The following KHNYN variants were observed in gnomAD, a reference collection of about 807,000 sequenced individuals.
KHNYN encodes protein KHNYN.
A neutral mutation model predicts 62.7 loss-of-function variants in KHNYN; 42 were observed. That is an observed-to-expected ratio of 0.67 (90% CI 0.52 to 0.87). The LOEUF (loss-of-function observed/expected upper bound fraction) is 0.87. Among genes scored for constraint, KHNYN ranks in the 40% least tolerant of loss-of-function variants. The pLI is 0.00. For synonymous variants in KHNYN, 347 were observed against 345.6 expected (o/e 1.00, Z -0.04); for missense variants, 829 against 874.1 (o/e 0.95, Z 0.65).
upstream of KHNYN, chr14:24,428,911 G>A (rs2043054662): frequency 6.4e-7 from 1 of 1,571,118 alleles, no homozygotes; most frequent in Non-Finnish European, 8.6e-7. Context: ...CAGGCTCACA[G>A]ACCACCAGGC....
At position 24,432,509 on chromosome 14, in the gene KHNYN, C is replaced by T. The variant is rs779785911; in HGVS notation, c.1248C>T (p.Phe416=). 8 of 1,613,810 alleles carry T rather than the reference C, an allele frequency of 5.0e-6. No homozygotes were observed. In the South Asian group the frequency reaches 8.8e-5, roughly 18 times the overall value. The change falls in exon 3 of 8, where the codon TTC becomes TTT. Residue 416 remains phenylalanine (F), a synonymous_variant. Coordinates refer to ENST00000553935, the MANE Select transcript of KHNYN (RefSeq NM_015299.3). This position sits in a 1 kb window ranked among gnomAD's most constrained non-coding sequence, Gnocchi z 5.6. ...ACTTGGTGACTGGCACACAGCGTTT[C>T]AAGGAGGCCCTGCAGGATCCTTTCA... The part of the protein sequence containing the change: ...GGNLVTGTQR[F]KEALQDPFTL...
chr14:24,425,860 A>C (rs1279892842), upstream of KHNYN, among the ~76,000 whole-genome samples: 1 of 152,208 alleles, frequency 6.6e-6, no homozygotes, highest in Non-Finnish European at 1.5e-5. Flanking sequence ...AAATATACTC[A>C]AATAGTTCCA....
chr14:24,431,792 G>A lies in KHNYN; in HGVS notation c.531G>A (p.Glu177=). The change falls in exon 3 of 8, where the codon GAG becomes GAA. Residue 177 remains glutamate (E), a synonymous_variant. Transcript: ENST00000553935. The part of the protein sequence containing the change: ...LLQSPGDAHR[E]ALLQLPLAVQ... Reference sequence around the variant, plus strand: ...AGTCCCCGGGGGATGCCCATAGAGAGGCTCTGTTGCAGTTGCCCCTGGCTG... The same window carrying A: ...AGTCCCCGGGGGATGCCCATAGAGAAGCTCTGTTGCAGTTGCCCCTGGCTG... The A allele has an allele frequency of 6.2e-7, 1 of 1,614,132 alleles. No homozygotes were observed.
rs745697959 is a variant in KHNYN, at chr14:24,440,276, T to C, written c.*2991T>C. 2 of 1,613,872 alleles carry C rather than the reference T, an allele frequency of 1.2e-6. No homozygotes were observed. Among genetic ancestry groups the C allele is most frequent in the Non-Finnish European group, 8.5e-7 (1 of 1,179,880 alleles). On this transcript the variant is annotated 3_prime_UTR_variant, in exon 8 of 8. Coordinates refer to ENST00000553935, the MANE Select transcript of KHNYN (RefSeq NM_015299.3). ...GCGGCCCAGGGCAGCACCCAAGGTC[T>C]GGGCAAACTCAGCATTAGTGGCGGA...
chr14:24,439,855 AG>A lies in KHNYN; in HGVS notation c.*2571del. On this transcript the variant is annotated 3_prime_UTR_variant, in exon 8 of 8. Coordinates refer to ENST00000553935, the MANE Select transcript of KHNYN (RefSeq NM_015299.3). ...AGTGGGGCAGCTGCAGGACATGTAG[AG>A]AAACCAAACTGGGAAATCTTACAAG... 2.0e-6 allele frequency: 1 copy of A among 497,256 alleles called. No homozygotes were observed. Among genetic ancestry groups the A allele is most frequent in the Non-Finnish European group, 3.6e-6 (1 of 281,284 alleles). The allele number at this position is 497,256 out of a possible 1,614,324, so 30.8% of individuals were successfully genotyped here. A position where few individuals can be genotyped will look rare whatever the true frequency, so the allele number is the denominator to read the frequency against.
Position 24,441,442 on chromosome 14 carries a change from G to T in KHNYN, c.*4157G>T. On this transcript the variant is annotated 3_prime_UTR_variant, in exon 8 of 8. Coordinates refer to ENST00000553935, the MANE Select transcript of KHNYN (RefSeq NM_015299.3). Reference sequence around the variant, plus strand: ...ATGGTGTGAGAAGTAAGGGACTTTGGGATAGGTGGACTTTTCCCTGGCATT... The same window carrying T: ...ATGGTGTGAGAAGTAAGGGACTTTGTGATAGGTGGACTTTTCCCTGGCATT... The T allele has an allele frequency of 2.0e-6, 1 of 512,506 alleles. No homozygotes were observed. The highest frequency in any genetic ancestry group is 2.0e-5 in the African/African-American group (1 of 50,738). 31.7% of individuals were successfully genotyped at this position (512,506 alleles called of 1,614,324 possible). A position where few individuals can be genotyped will look rare whatever the true frequency, so the allele number is the denominator to read the frequency against.
At position 24,431,907 on chromosome 14, in the gene KHNYN, T is replaced by C; in HGVS notation, c.646T>C (p.Leu216=). Residue 216 remains leucine, a synonymous_variant, in exon 3 of 8, where the codon TTG becomes CTG. Transcript: ENST00000553935. ...TTCTTGGGAGGGGCGGAGCTCAGCC[T>C]TGCTGGGTGCTCAGTGCCAAGGAGT... The part of the protein sequence containing the change: ...LASWEGRSSA[L]LGAQCQGVRA... 8.7e-6 allele frequency: 14 copies of C among 1,614,014 alleles called. No homozygotes were observed. Among genetic ancestry groups the C allele is most frequent in the Non-Finnish European group, 1.2e-5 (14 of 1,180,006 alleles).
In KHNYN at chr14:24,432,914, C is replaced by T. The variant is rs543575003; in HGVS notation, c.1481-22C>T. The T allele has an allele frequency of 3.5e-5, 57 of 1,614,006 alleles. No individual in the cohort carries two copies. In the Middle Eastern group the frequency reaches 2.5e-3, roughly 70 times the overall value. On this transcript the variant is annotated intron_variant, in intron 4 of 7. Transcript: ENST00000553935. This position sits in a 1 kb window ranked among gnomAD's most constrained non-coding sequence, Gnocchi z 5.6. ...CTCTGTTTCCACTTTGAGGAGAACC[C>T]TATTATGTTCTTTTTCAATAGAGAG...
At position 24,439,861 on chromosome 14, in the gene KHNYN, C is replaced by G; in HGVS notation, c.*2576C>G. The G allele has an allele frequency of 2.0e-6, 1 of 499,618 alleles. No homozygotes were observed. The highest frequency in any genetic ancestry group is 3.5e-6 in the Non-Finnish European group (1 of 283,400). 30.9% of individuals were successfully genotyped at this position (499,618 alleles called of 1,614,324 possible). A position where few individuals can be genotyped will look rare whatever the true frequency, so the allele number is the denominator to read the frequency against. ...GCAGCTGCAGGACATGTAGAGAAAC[C>G]AAACTGGGAAATCTTACAAGGAGTT... On this transcript the variant is annotated 3_prime_UTR_variant, in exon 8 of 8. Coordinates refer to ENST00000553935, the MANE Select transcript of KHNYN (RefSeq NM_015299.3).
upstream of KHNYN, chr14:24,427,309 T>A (rs148437798): frequency 1.4e-3 from 266 of 185,468 alleles, no homozygotes; most frequent in African/African-American, 6.2e-3. This position sits in a 1 kb window ranked among gnomAD's most constrained non-coding sequence, Gnocchi z 4.4. Context: ...CTGGTTCAGC[T>A]TCTGACGGTG....
Position 24,441,120 on chromosome 14 carries a change from G to A in KHNYN, c.*3835G>A. The A allele has an allele frequency of 1.4e-6, 1 of 706,664 alleles. No homozygotes were observed. The highest frequency in any genetic ancestry group is 2.5e-6 in the Non-Finnish European group (1 of 393,452). The allele number at this position is 706,664 out of a possible 1,614,324, so 43.8% of individuals were successfully genotyped here. A position where few individuals can be genotyped will look rare whatever the true frequency, so the allele number is the denominator to read the frequency against. On this transcript the variant is annotated 3_prime_UTR_variant, in exon 8 of 8. Coordinates refer to ENST00000553935, the MANE Select transcript of KHNYN (RefSeq NM_015299.3). ...CTTCCCTGGAGGAACTCTGGTTGCA[G>A]GGCTAAACTTAGAGGCTGCTAGAGT...
upstream of KHNYN, chr14:24,428,726 G>T: frequency 6.5e-7 from 1 of 1,543,174 alleles, no homozygotes; most frequent in Non-Finnish European, 8.8e-7. Context: ...GGTCTTTCCA[G>T]GTCCCCTGGA....
At position 24,440,441 on chromosome 14, in the gene KHNYN, A is replaced by C. The variant is rs1258470547; in HGVS notation, c.*3156A>C. 4 of 1,611,974 alleles carry C rather than the reference A, an allele frequency of 2.5e-6. No individual in the cohort carries two copies. In the South Asian group the frequency reaches 4.4e-5, roughly 18 times the overall value. Reference sequence around the variant, plus strand: ...GATGGGGCCCCCCAGGCCCAGGCGAAAGGGCAGCAGCATGTGGCCCATGGC... The same window carrying C: ...GATGGGGCCCCCCAGGCCCAGGCGACAGGGCAGCAGCATGTGGCCCATGGC... On this transcript the variant is annotated 3_prime_UTR_variant, in exon 8 of 8. Coordinates refer to ENST00000553935, the MANE Select transcript of KHNYN (RefSeq NM_015299.3).
rs992081050 is a variant in KHNYN, at chr14:24,437,167, G to A, written c.1919G>A (p.Arg640Gln). The change falls in exon 8 of 8, where the codon CGG becomes CAG. Residue 640 changes from arginine (R) to glutamine (Q), a missense_variant. Arg to Gln is a conservative substitution (Grantham distance 43). Transcript: ENST00000553935. This position sits in a 1 kb window ranked among gnomAD's most constrained non-coding sequence, Gnocchi z 5.5. ...ACCCGGGAAACAGAGCGGCTCCGGC[G>A]GCAGCTGCTGGAGGTGTTTTGGGGT... Reference protein sequence around the residue: ...RKTRETERLRRQLLEVFWGQD... With the variant: ...RKTRETERLRQQLLEVFWGQD... The A allele has an allele frequency of 1.9e-6, 3 of 1,614,160 alleles. No individual in the cohort carries two copies. Among genetic ancestry groups the A allele is most frequent in the African/African-American group, 1.3e-5 (1 of 75,032 alleles).
chr14:24,427,859 A>T, upstream of KHNYN: 1 of 1,614,134 alleles, frequency 6.2e-7, no homozygotes, highest in East Asian at 2.2e-5. The surrounding 1 kb of genome is among the most constrained non-coding windows in gnomAD (Gnocchi z 4.4). Flanking sequence ...CCCCCGACGC[A>T]GGCGCAGAGA....
rs1194716852 is a variant in KHNYN at position 24,430,171 on chromosome 14, C to A, written c.-18+52C>A. On this transcript the variant is annotated intron_variant, in intron 1 of 7. Coordinates refer to ENST00000553935, the MANE Select transcript of KHNYN (RefSeq NM_015299.3). ...GGAGCGGGGAGCGGGGGCCGCGGTG[C>A]GGAGTAGGCCCGGCCCGGGGTGGCT... 5.1e-6 allele frequency: 5 copies of A among 979,662 alleles called. No homozygotes were observed. The East Asian group carries it at 4.6e-4, about 90-fold the overall frequency. 60.7% of individuals were successfully genotyped at this position (979,662 alleles called of 1,614,324 possible).
chr14:24,432,780 T>G lies in KHNYN; in HGVS notation c.1408T>G (p.Trp470Gly). 2.5e-6 allele frequency: 4 copies of G among 1,614,230 alleles called. No homozygotes were observed. The highest frequency in any genetic ancestry group is 3.4e-6 in the Non-Finnish European group (4 of 1,180,046). Residue 470 changes from tryptophan to glycine, a missense_variant, in exon 4 of 8, where the codon TGG becomes GGG. Trp to Gly is a radical substitution (Grantham distance 184, BLOSUM62 -2). Around this residue, in one of 2 missense-constraint regions of KHNYN, gnomAD observed 270 missense variants for 347.1 expected, o/e 0.78. Coordinates refer to ENST00000553935, the MANE Select transcript of KHNYN (RefSeq NM_015299.3). The surrounding 1 kb of genome is among the most constrained non-coding windows in gnomAD (Gnocchi z 5.6). Reference sequence around the variant, plus strand: ...CATTGCCATTGCTGTGCAGTACTTCTGGGACCGTGGTCACCGTGACATAAC... The same window carrying G: ...CATTGCCATTGCTGTGCAGTACTTCGGGGACCGTGGTCACCGTGACATAAC... ...RGIAIAVQYF[W>G]DRGHRDITVF... is the part of the protein sequence containing the mutation.
At position 24,439,921 on chromosome 14, in the gene KHNYN, G is replaced by A; in HGVS notation, c.*2636G>A. On this transcript the variant is annotated 3_prime_UTR_variant, in exon 8 of 8. Transcript: ENST00000553935. Reference sequence around the variant, plus strand: ...AATGTCCCAACCTGATGAGATTACGGCCTTGAGACAATAAGGTGGAGCAAC... The same window carrying A: ...AATGTCCCAACCTGATGAGATTACGACCTTGAGACAATAAGGTGGAGCAAC... 1.6e-6 allele frequency: 1 copy of A among 614,824 alleles called. No homozygotes were observed. Among genetic ancestry groups the A allele is most frequent in the Non-Finnish European group, 2.8e-6 (1 of 359,102 alleles). The allele number at this position is 614,824 out of a possible 1,614,324, so 38.1% of individuals were successfully genotyped here.
chr14:24,428,856 C>T (rs777215649), upstream of KHNYN: 7 of 1,611,212 alleles, frequency 4.3e-6, no homozygotes, highest in Non-Finnish European at 5.9e-6. Flanking sequence ...CCAGGGGGTG[C>T]CTCTCCCAGG....
Sources: allele counts gnomAD v4.1 joint callset (sites outside exome capture counted in the v4.1 genomes callset), GRCh38; gene constraint gnomAD v4.1.1; regional missense constraint gnomAD v4.1.1; non-coding constraint Gnocchi (gnomAD v3.1); transcripts MANE v1.5; gene names NCBI Gene and HGNC (gene_info 2026-07-23, HGNC 2026-07-21).